TRAPPC9: variants seen among roughly 807,000 people sequenced by gnomAD.
TRAPPC9 encodes IKK2 binding protein.
TRAPPC9 carries 83 observed loss-of-function variants against 124.0 expected under a neutral mutation model. The ratio of observed to expected loss-of-function variants is 0.67; its 90% CI spans 0.56 to 0.80. The LOEUF (loss-of-function observed/expected upper bound fraction) is 0.80, where lower values mean the gene tolerates loss of function less well. Ranked by LOEUF, TRAPPC9 falls within the 30% of genes least tolerant of loss-of-function variation. The pLI, the probability that TRAPPC9 is intolerant of heterozygous loss-of-function variation, is 0.00. For synonymous variants in TRAPPC9, 638 were observed against 617.5 expected (o/e 1.03, Z -0.49); for missense variants, 1,302 against 1,508.3 (o/e 0.86, Z 2.27).
intron 17 of TRAPPC9, among the ~76,000 whole-genome samples, chr8:140,165,080 T>C (rs934372699): frequency 6.6e-6 from 1 of 152,182 alleles, no homozygotes; most frequent in Non-Finnish European, 1.5e-5. Flanking sequence ...ACTCCCTTTA[T>C]AAAATGAGTA....
intron 13 of TRAPPC9, 86 bp from the exon 14 acceptor site, chr8:140,284,107 C>A: frequency 6.4e-7 from 1 of 1,574,058 alleles, no homozygotes. Flanking sequence ...GAGTACGGGG[C>A]TCCTCTTCAG....
intron 17 of TRAPPC9, among the ~76,000 whole-genome samples, chr8:140,024,738 G>A (rs11785387): frequency 0.39 from 58,509 of 151,734 alleles, 13,844 homozygotes; most frequent in Middle Eastern, 0.59. Context: ...TGGGATGACA[G>A]GCGTGAGCCA....
intron 9 of TRAPPC9, among the ~76,000 whole-genome samples, chr8:140,351,433 T>C (rs368211410): frequency 1.1e-4 from 16 of 152,068 alleles, no homozygotes; most frequent in Middle Eastern, 3.4e-3. Context: ...TAGGTAGCAT[T>C]TACATTGTAT....
chr8:140,351,167 C>G lies in TRAPPC9; in HGVS notation c.1495+8883G>C, dbSNP rs942703056. Among the ~76,000 whole-genome samples, 12 of 110,912 alleles carry G rather than the reference C, an allele frequency of 1.1e-4. No homozygotes were observed. In the Admixed American group the frequency reaches 1.5e-3, roughly 14 times the overall value. 72.8% of individuals were successfully genotyped at this position (110,912 alleles called of 152,430 possible). On this transcript the variant is annotated intron_variant, in intron 9 of 22. Transcript: ENST00000438773. ...AAGGATGAGGAAGGAGAAGCGACAA[C>G]GGATGAGAGACACAGGCCCACGCTA...
At chr8:140,194,873 A>G (rs759737538) in intron 17 of TRAPPC9, among the ~76,000 whole-genome samples, 41 of 151,932 alleles carry the variant, frequency 2.7e-4, no homozygotes, top group Non-Finnish European at 1.8e-4. Context: ...CACCATACAG[A>G]TCGCACCTGT....
At chr8:140,447,002 C>T (rs1016744876) in intron 2 of TRAPPC9, among the ~76,000 whole-genome samples, 2 of 152,188 alleles carry the variant, frequency 1.3e-5, no homozygotes, top group East Asian at 3.9e-4. Context: ...TGCCTTCATG[C>T]ACGGCCCACA....
rs2061442708 is a variant in TRAPPC9, at chr8:140,145,190, TA to T, written c.2556+76268del. Among the ~76,000 whole-genome samples, 7 of 152,282 alleles carry T rather than the reference TA, an allele frequency of 4.6e-5. No homozygotes were observed. In the South Asian group the frequency reaches 1.5e-3, roughly 32 times the overall value. ...TGCGCCCAGCCTCTTTCTCTAATTCTAACAGTTTATCCATAGATTGTCTTGA... is the reference window on the plus strand; with the variant it reads ...TGCGCCCAGCCTCTTTCTCTAATTCTACAGTTTATCCATAGATTGTCTTGA... On this transcript the variant is annotated intron_variant, in intron 17 of 22. Transcript: ENST00000438773.
chr8:139,891,033 C>T (rs543735796), intron 20 of TRAPPC9, among the ~76,000 whole-genome samples: 4 of 152,124 alleles, frequency 2.6e-5, no homozygotes, highest in Non-Finnish European at 2.9e-5. Context: ...CCTGAGTAAA[C>T]GGCAACCCAC....
chr8:139,749,024 T>C (rs1471979805), intron 21 of TRAPPC9, among the ~76,000 whole-genome samples: 2 of 152,122 alleles, frequency 1.3e-5, no homozygotes, highest in East Asian at 1.9e-4. Flanking sequence ...AAAGTGATTG[T>C]GGATGTAGAA....
chr8:140,282,759 G>T (rs2065363460), intron 14 of TRAPPC9, among the ~76,000 whole-genome samples: 1 of 152,172 alleles, frequency 6.6e-6, no homozygotes, highest in African/African-American at 2.4e-5. Flanking sequence ...TATATATGAT[G>T]TCATGTAATC....
chr8:139,936,599 G>A (rs1214282161), intron 19 of TRAPPC9, among the ~76,000 whole-genome samples: 4 of 152,220 alleles, frequency 2.6e-5, no homozygotes, highest in East Asian at 1.9e-4. Flanking sequence ...GAGCCGAAAG[G>A]TAAGTGTGTG....
intron 5 of TRAPPC9, among the ~76,000 whole-genome samples, chr8:140,412,137 AAGTT>A (rs2069727144): frequency 6.6e-6 from 1 of 152,180 alleles, no homozygotes; most frequent in African/African-American, 2.4e-5. Flanking sequence ...CCAATTATCA[AAGTT>A]AGCCTCACCA....
chr8:140,015,068 T>C (rs552219631), intron 18 of TRAPPC9, among the ~76,000 whole-genome samples: 2 of 152,388 alleles, frequency 1.3e-5, no homozygotes, highest in African/African-American at 2.4e-5. Context: ...GGTTTCACAA[T>C]AGAGTATATG....
intron 21 of TRAPPC9, among the ~76,000 whole-genome samples, chr8:139,834,159 T>C (rs1826177981): frequency 6.6e-6 from 1 of 152,146 alleles, no homozygotes; most frequent in South Asian, 2.1e-4. Flanking sequence ...CACCAGAGCC[T>C]GTCACAGTGG....
chr8:140,401,282 A>G (rs1386908497), intron 6 of TRAPPC9, among the ~76,000 whole-genome samples: 1 of 152,234 alleles, frequency 6.6e-6, no homozygotes, highest in Non-Finnish European at 1.5e-5. Context: ...ACTATGTCAG[A>G]AAGGGTAGGC....
At chr8:139,836,480 T>C (rs901677401) in intron 21 of TRAPPC9, among the ~76,000 whole-genome samples, 1 of 152,212 alleles carries the variant, frequency 6.6e-6, no homozygotes, top group Non-Finnish European at 1.5e-5. Flanking sequence ...AGAGCTTCCA[T>C]GAGCAAGCTC....
At chr8:139,762,552 G>A (rs1586791272) in intron 21 of TRAPPC9, among the ~76,000 whole-genome samples, 1 of 152,200 alleles carries the variant, frequency 6.6e-6, no homozygotes, top group East Asian at 1.9e-4. Context: ...GCAACACAAT[G>A]GTAAGTATTT....
At chr8:140,323,445 G>T (rs1037407470) in intron 9 of TRAPPC9, among the ~76,000 whole-genome samples, 1 of 152,102 alleles carries the variant, frequency 6.6e-6, no homozygotes, top group Non-Finnish European at 1.5e-5. Flanking sequence ...GCCCTCTAAG[G>T]GTATCTGAAA....
chr8:140,031,393 T>C (rs1455077165), intron 17 of TRAPPC9, among the ~76,000 whole-genome samples: 1 of 152,216 alleles, frequency 6.6e-6, no homozygotes, highest in Non-Finnish European at 1.5e-5. Context: ...ACTTCTAATA[T>C]AACTAACACT....
Sources: allele counts gnomAD v4.1 joint callset (sites outside exome capture counted in the v4.1 genomes callset), GRCh38; gene constraint gnomAD v4.1.1; transcripts MANE v1.5; gene names NCBI Gene and HGNC (gene_info 2026-07-23, HGNC 2026-07-21).